The following CCDC110 variants were observed in gnomAD, a reference collection of about 807,000 sequenced individuals.
CCDC110 encodes the protein coiled-coil domain containing 110.
A neutral mutation model predicts 77.1 loss-of-function variants in CCDC110; 70 were observed. The observed-to-expected ratio is 0.91, with a 90% CI of 0.75 to 1.11. The LOEUF is 1.11. CCDC110 is among the 50% of genes least tolerant of loss of function. The probability of loss-of-function intolerance (pLI) is 0.00; values close to 1 mark genes in which losing one functional copy is unlikely to be tolerated. For synonymous variants in CCDC110, 295 were observed against 312.5 expected, an observed-to-expected ratio of 0.94 and a Z score of 0.59; for missense variants, 868 against 942.9, an observed-to-expected ratio of 0.92 and a Z score of 1.04.
At chr4:185,457,270 C>T in intron 6 of CCDC110, 1 of 456,216 alleles carries the variant, frequency 2.2e-6, no homozygotes, top group Non-Finnish European at 4.4e-6. Context: ...TGCTTGCAAC[C>T]TTGGAAGCTA....
At chr4:185,453,813 A>T (rs1451883256) in intron 6 of CCDC110, among the ~76,000 whole-genome samples, 8 of 126,226 alleles carry the variant, frequency 6.3e-5, no homozygotes, top group African/African-American at 1.8e-4. Flanking sequence ...TCTCGTTGCT[A>T]TTTTTTTTTT....
intron 6 of CCDC110, chr4:185,449,931 A>G: frequency 4.3e-6 from 1 of 234,260 alleles, no homozygotes; most frequent in Non-Finnish European, 8.2e-6. Flanking sequence ...TTTTACTGCT[A>G]ATGTTAAAAA....
At chr4:185,454,261 G>T (rs776741959) in intron 6 of CCDC110, among the ~76,000 whole-genome samples, 19 of 152,154 alleles carry the variant, frequency 1.2e-4, no homozygotes, top group Non-Finnish European at 2.5e-4. Flanking sequence ...GAGAAGACCT[G>T]TTTCCAGTTT....
intron 2 of CCDC110, 58 bp downstream of exon 2, chr4:185,470,887 G>A: frequency 8.0e-7 from 1 of 1,251,270 alleles, no homozygotes; most frequent in Non-Finnish European, 1.2e-6. Flanking sequence ...GGTGGCACAG[G>A]CCAGATGCTG....
intron 6 of CCDC110, among the ~76,000 whole-genome samples, chr4:185,454,750 C>T (rs1440703652): frequency 6.6e-6 from 1 of 152,052 alleles, no homozygotes; most frequent in Non-Finnish European, 1.5e-5. Flanking sequence ...CCTAAAATGT[C>T]ATCTTGTCTA....
At chr4:185,465,025 C>G (rs1183127526) in intron 2 of CCDC110, among the ~76,000 whole-genome samples, 1 of 152,136 alleles carries the variant, frequency 6.6e-6, no homozygotes, top group Non-Finnish European at 1.5e-5. Context: ...CCTTCCATGC[C>G]TACTTCCCTC....
chr4:185,462,570 G>C lies in CCDC110; in HGVS notation c.237+73C>G, dbSNP rs371664461. 314 of 1,136,264 alleles carry C rather than the reference G, an allele frequency of 2.8e-4. No homozygotes were observed. In the African/African-American group the frequency reaches 4.5e-3, roughly 16 times the overall value. 70.4% of individuals were successfully genotyped at this position (1,136,264 alleles called of 1,614,324 possible). A position where few individuals can be genotyped will look rare whatever the true frequency, so the allele number is the denominator to read the frequency against. ...TCTGTGTCAGCTAATCCATTGGCTA[G>C]TGACCATCAGCTTAGAAGATGGGAT... is the stretch of plus-strand genomic sequence containing the variant. On this transcript the variant is annotated intron_variant, in intron 4 of 6. Coordinates refer to ENST00000307588, the MANE Select transcript of CCDC110 (RefSeq NM_152775.4).
chr4:185,457,560 G>A (rs2095637756), intron 6 of CCDC110, among the ~76,000 whole-genome samples: 1 of 152,120 alleles, frequency 6.6e-6, no homozygotes, highest in Admixed American at 6.6e-5. Context: ...CAAAACTGTG[G>A]CAGGCTAAAA....
chr4:185,463,237 GA>G (rs1310758700), intron 2 of CCDC110, among the ~76,000 whole-genome samples, 188 bp from the exon 3 acceptor site: 1 of 152,160 alleles, frequency 6.6e-6, no homozygotes, highest in Admixed American at 6.5e-5. Flanking sequence ...ATATCCACTT[GA>G]GGTTGTAATA....
chr4:185,466,397 A>G (rs2095656148), intron 2 of CCDC110, among the ~76,000 whole-genome samples: 2 of 151,938 alleles, frequency 1.3e-5, no homozygotes, highest in Admixed American at 6.6e-5. Flanking sequence ...TAAACAAACA[A>G]ACATAGATGT....
rs775152856 is a variant in CCDC110 at position 185,459,727 on chromosome 4, T to C, written c.860A>G (p.His287Arg). ...CTTAATAAAGTTCATTTTATCCTGGTGAATAGGGGACATGTCATATTTACC... is the reference window on the plus strand; with the variant it reads ...CTTAATAAAGTTCATTTTATCCTGGCGAATAGGGGACATGTCATATTTACC... ...RNGKYDMSPI[H>R]QDKMNFIKEE... is the part of the protein sequence containing the mutation. Residue 287 changes from histidine (H) to arginine (R), a missense_variant, in exon 6 of 7, where the codon CAC becomes CGC. Coordinates refer to ENST00000307588, the MANE Select transcript of CCDC110 (RefSeq NM_152775.4). The C allele has an allele frequency of 1.2e-6, 2 of 1,613,650 alleles. No homozygotes were observed. The highest frequency in any genetic ancestry group is 1.7e-6 in the Non-Finnish European group (2 of 1,179,882).
Position 185,463,034 on chromosome 4 carries a change from G to C in CCDC110, c.131C>G (p.Ala44Gly). 3 of 1,613,288 alleles carry C rather than the reference G, an allele frequency of 1.9e-6. No homozygotes were observed. The highest frequency in any genetic ancestry group is 2.5e-6 in the Non-Finnish European group (3 of 1,179,344). Reference sequence around the variant, plus strand: ...TGGTTGGATTTGATTTTCTGATTCTGCTATGCAGCCATATTCTAAGAAGCA... The same window carrying C: ...TGGTTGGATTTGATTTTCTGATTCTCCTATGCAGCCATATTCTAAGAAGCA... ...GCSDTEYGCI[A>G]ESENQIQPQS... Residue 44 changes from alanine (A) to glycine (G), a missense_variant, in exon 3 of 7, where the codon GCA becomes GGA. Transcript: ENST00000307588.
rs1215179098 is a variant in CCDC110 at position 185,449,680 on chromosome 4, A to G, written c.2462-4138T>C. On this transcript the variant is annotated intron_variant, in intron 6 of 6. Coordinates refer to ENST00000307588, the MANE Select transcript of CCDC110 (RefSeq NM_152775.4). ...ACAAGTAGCTTTCTAGATCTTAACTATGAGTAATTCACTATCAAGAGCTAA... is the reference window on the plus strand; with the variant it reads ...ACAAGTAGCTTTCTAGATCTTAACTGTGAGTAATTCACTATCAAGAGCTAA... 2.2e-6 allele frequency: 3 copies of G among 1,394,852 alleles called. No individual in the cohort carries two copies. In the Admixed American group the frequency reaches 6.7e-5, roughly 31 times the overall value. 86.4% of individuals were successfully genotyped at this position (1,394,852 alleles called of 1,614,324 possible).
chr4:185,461,001 C>CTTTTTTTTTTTTTTTTTTT, intron 5 of CCDC110, 48 bp downstream of exon 5: 1 of 930,194 alleles, frequency 1.1e-6, no homozygotes, highest in Non-Finnish European at 1.8e-6. Context: ...ATGGTAGTCA[C>CTTTTTTTTTTTTTTTTTTT]GTTTTGAAGT....
At chr4:185,455,147 T>C (rs573868382) in intron 6 of CCDC110, among the ~76,000 whole-genome samples, 3 of 152,342 alleles carry the variant, frequency 2.0e-5, no homozygotes, top group African/African-American at 7.2e-5. Context: ...AGGATGCACC[T>C]AACTTTTTAG....
At chr4:185,457,833 A>G (rs1169855046) in intron 6 of CCDC110, 5 of 1,339,652 alleles carry the variant, frequency 3.7e-6, no homozygotes, top group Non-Finnish European at 5.0e-6. Flanking sequence ...AAAAAAAAAG[A>G]ATTCTTTTAA....
chr4:185,447,251 G>A (rs1448052604), intron 6 of CCDC110, among the ~76,000 whole-genome samples: 21 of 151,200 alleles, frequency 1.4e-4, no homozygotes, highest in African/African-American at 3.4e-4. Flanking sequence ...GCACGATCTC[G>A]GCTCACTGCA....
At position 185,445,402 on chromosome 4, in the gene CCDC110, A is replaced by G; in HGVS notation, c.*100T>C. ...TAAAGCAAATATATAGCGCCTCATT[A>G]TGAGTCATTTGAGATGAGTTAGATA... On this transcript the variant is annotated 3_prime_UTR_variant, in exon 7 of 7. Coordinates refer to ENST00000307588, the MANE Select transcript of CCDC110 (RefSeq NM_152775.4). The G allele has an allele frequency of 1.1e-6, 1 of 893,600 alleles. No homozygotes were observed. The allele number at this position is 893,600 out of a possible 1,614,324, so 55.4% of individuals were successfully genotyped here. A position where few individuals can be genotyped will look rare whatever the true frequency, so the allele number is the denominator to read the frequency against.
Position 185,458,719 on chromosome 4 carries a change from G to A in CCDC110, c.1868C>T (p.Ala623Val). 1.2e-6 allele frequency: 2 copies of A among 1,603,522 alleles called. No individual in the cohort carries two copies. Among genetic ancestry groups the A allele is most frequent in the Non-Finnish European group, 1.7e-6 (2 of 1,177,612 alleles). Reference protein sequence around the residue: ...IIQLKEKERLAKTEQETLLQI... With the variant: ...IIQLKEKERLVKTEQETLLQI... ...AAGAAGTGTCTCTTGTTCCGTTTTTGCCAATCTTTCTTTCTCTTTTAGCTG... is the reference window on the plus strand; with the variant it reads ...AAGAAGTGTCTCTTGTTCCGTTTTTACCAATCTTTCTTTCTCTTTTAGCTG... The change falls in exon 6 of 7, where the codon GCA becomes GTA. Residue 623 changes from alanine (A) to valine (V), a missense_variant. Coordinates refer to ENST00000307588, the MANE Select transcript of CCDC110 (RefSeq NM_152775.4).
Sources: gnomAD v4.1 joint callset for allele counts (sites outside exome capture counted in the v4.1 genomes callset) on GRCh38, gnomAD v4.1.1 for gene constraint, MANE v1.5 for transcripts, NCBI Gene and HGNC (gene_info 2026-07-23, HGNC 2026-07-21) for gene names.